TESK2: variants seen among roughly 807,000 people sequenced by gnomAD.
The protein encoded by TESK2 is testis associated actin remodelling kinase 2.
TESK2 carries 39 observed loss-of-function variants against 57.1 expected under a neutral mutation model. The observed-to-expected ratio is 0.68, with a 90% confidence interval of 0.53 to 0.89. TESK2 has a LOEUF of 0.89. Ranked by LOEUF, TESK2 falls within the 40% of genes least tolerant of loss-of-function variation. TESK2 has a pLI of 0.00. For missense variants in TESK2, 646 were observed against 732.1 expected (o/e 0.88, Z 1.36); for synonymous variants, 249 against 267.9 (o/e 0.93, Z 0.69).
intron 1 of TESK2, among the ~76,000 whole-genome samples, chr1:45,484,107 T>C (rs1220895767): frequency 7.9e-4 from 16 of 20,146 alleles, no homozygotes; most frequent in South Asian, 4.1e-3. Context: ...AATTCTTCTT[T>C]TTTTTTTTTT....
At chr1:45,351,976 G>C (rs1024937488) in intron 5 of TESK2, among the ~76,000 whole-genome samples, 1 of 152,168 alleles carries the variant, frequency 6.6e-6, no homozygotes, top group African/African-American at 2.4e-5. Context: ...TAAAATATAA[G>C]AAAGCCTGAT....
At chr1:45,452,883 C>A (rs549803407) in intron 2 of TESK2, among the ~76,000 whole-genome samples, 1 of 152,232 alleles carries the variant, frequency 6.6e-6, no homozygotes, top group African/African-American at 2.4e-5. Context: ...AAGACTCCAT[C>A]TGTACAAAAC....
intron 3 of TESK2, among the ~76,000 whole-genome samples, chr1:45,390,606 T>A (rs1649095551): frequency 6.6e-6 from 1 of 151,150 alleles, no homozygotes; most frequent in Non-Finnish European, 1.5e-5. Flanking sequence ...AAAAGAGTCT[T>A]ACTTTGTTGC....
chr1:45,433,263 G>A (rs952531866), intron 2 of TESK2, among the ~76,000 whole-genome samples: 1 of 151,240 alleles, frequency 6.6e-6, no homozygotes, highest in Non-Finnish European at 1.5e-5. Context: ...AATTTCAGTA[G>A]AGACAGGGTT....
intron 2 of TESK2, among the ~76,000 whole-genome samples, chr1:45,455,323 C>T (rs559251569): frequency 6.6e-6 from 1 of 152,202 alleles, no homozygotes; most frequent in South Asian, 2.1e-4. Context: ...CACAGAGGAA[C>T]GGGATCTGCA....
intron 1 of TESK2, among the ~76,000 whole-genome samples, chr1:45,485,373 G>C (rs2149309610): frequency 6.6e-6 from 1 of 151,944 alleles, no homozygotes; most frequent in Middle Eastern, 3.4e-3. Flanking sequence ...ATTTTTAGTA[G>C]AGACGGGGTT....
chr1:45,385,471 A>G (rs531781564), intron 4 of TESK2: 2 of 336,122 alleles, frequency 6.0e-6, no homozygotes, highest in Non-Finnish European at 8.5e-6. Context: ...TCAGGACAGC[A>G]AACATTACCA....
At position 45,405,130 on chromosome 1, in the gene TESK2, CA is replaced by C. The variant is rs565130499; in HGVS notation, c.344+16594del. Among the ~76,000 whole-genome samples the C allele has an allele frequency of 1.1e-3, 169 of 152,212 alleles. 1 individual carries two copies. The highest frequency in any genetic ancestry group is 4.0e-3 in the African/African-American group (166 of 41,490). On this transcript the variant is annotated intron_variant, in intron 3 of 10. Transcript: ENST00000372086. ...AGTACTACTATTATTTCCTACTTCACAGGTAAGAAAACTGAGGTTATAGATA... is the reference window on the plus strand; with the variant it reads ...AGTACTACTATTATTTCCTACTTCACGGTAAGAAAACTGAGGTTATAGATA...
At chr1:45,446,746 T>C (rs1283987634) in intron 2 of TESK2, among the ~76,000 whole-genome samples, 1 of 152,168 alleles carries the variant, frequency 6.6e-6, no homozygotes, top group Non-Finnish European at 1.5e-5. Flanking sequence ...TCAGCAGGCT[T>C]GGCAAATATA....
chr1:45,374,123 C>G (rs1648312994), intron 4 of TESK2, among the ~76,000 whole-genome samples: 1 of 152,162 alleles, frequency 6.6e-6, no homozygotes, highest in Non-Finnish European at 1.5e-5. Flanking sequence ...CTCATACTAC[C>G]AATGCTGTAA....
At chr1:45,404,422 G>T (rs866115756) in intron 3 of TESK2, among the ~76,000 whole-genome samples, 3 of 152,038 alleles carry the variant, frequency 2.0e-5, no homozygotes, top group African/African-American at 7.2e-5. Context: ...AACAAACGAT[G>T]GTGATGTATA....
At chr1:45,418,898 C>G (rs184587229) in intron 3 of TESK2, among the ~76,000 whole-genome samples, 5 of 151,760 alleles carry the variant, frequency 3.3e-5, no homozygotes, top group Non-Finnish European at 5.9e-5. Flanking sequence ...GATATACTTA[C>G]TATGTAATCA....
At chr1:45,441,928 T>TTTTTG (rs779056879) in intron 2 of TESK2, among the ~76,000 whole-genome samples, 56 of 151,972 alleles carry the variant, frequency 3.7e-4, no homozygotes, top group African/African-American at 7.2e-4. Flanking sequence ...AGCAAAATTG[T>TTTTTG]TTTTGTTTTG....
intron 3 of TESK2, among the ~76,000 whole-genome samples, chr1:45,393,033 G>T (rs72892519): frequency 0.05 from 7,570 of 152,252 alleles, 668 homozygotes; most frequent in African/African-American, 0.17. Context: ...GTAAAGCCAA[G>T]AGGTATTTGA....
intron 4 of TESK2, among the ~76,000 whole-genome samples, chr1:45,359,106 G>A (rs1211024270): frequency 6.6e-6 from 1 of 152,208 alleles, no homozygotes; most frequent in East Asian, 1.9e-4. Context: ...GATAAGAGGA[G>A]AAATATCTGA....
chr1:45,476,220 G>T (rs1030320630), intron 1 of TESK2, among the ~76,000 whole-genome samples: 1 of 152,014 alleles, frequency 6.6e-6, no homozygotes, highest in East Asian at 1.9e-4. Context: ...ATAAATTACA[G>T]TACAGGCCAG....
chr1:45,369,601 G>C (rs1648091911), intron 4 of TESK2, among the ~76,000 whole-genome samples: 1 of 152,166 alleles, frequency 6.6e-6, no homozygotes, highest in Admixed American at 6.6e-5. Context: ...ATGATCAAAT[G>C]AGTGGTGGCA....
chr1:45,385,735 T>TAA (rs1648867592), intron 4 of TESK2, among the ~76,000 whole-genome samples, 177 bp downstream of exon 4: 1 of 148,396 alleles, frequency 6.7e-6, no homozygotes, highest in African/African-American at 2.5e-5. Flanking sequence ...TATATATATA[T>TAA]AAAGAAATAC....
intron 5 of TESK2, 62 bp downstream of exon 5, chr1:45,355,241 C>T: frequency 1.3e-6 from 2 of 1,572,926 alleles, no homozygotes; most frequent in Non-Finnish European, 1.7e-6. Context: ...TCTAACACAG[C>T]TTTCTTGGCA....
Sources: allele counts gnomAD v4.1 joint callset (sites outside exome capture counted in the v4.1 genomes callset), GRCh38; gene constraint gnomAD v4.1.1; transcripts MANE v1.5; gene names NCBI Gene and HGNC (gene_info 2026-07-23, HGNC 2026-07-21).